The following NCOA7 variants were observed in gnomAD, a reference collection of about 807,000 sequenced individuals.
The protein encoded by NCOA7 is 140 kDa estrogen receptor-associated protein.
In NCOA7, 45 loss-of-function variants were observed where a neutral mutation model predicts 104.3. The ratio of observed to expected loss-of-function variants is 0.43; its 90% CI spans 0.34 to 0.55. NCOA7 has a LOEUF of 0.55. NCOA7 is among the 20% of genes least tolerant of loss of function. The probability of loss-of-function intolerance (pLI) is 0.02; values close to 1 mark genes in which losing one functional copy is unlikely to be tolerated. For missense variants in NCOA7, 1,041 were observed against 1,119.7 expected (o/e 0.93, Z 1.00); for synonymous variants, 398 against 402.3 (o/e 0.99, Z 0.13).
At chr6:125,819,961 T>C (rs1283386517) in intron 2 of NCOA7, among the ~76,000 whole-genome samples, 1 of 152,146 alleles carries the variant, frequency 6.6e-6, no homozygotes, top group Non-Finnish European at 1.5e-5. Flanking sequence ...TGTGGGAGGT[T>C]TACTTTTCCC....
chr6:125,842,676 T>A (rs752039129), intron 2 of NCOA7, among the ~76,000 whole-genome samples: 19 of 152,194 alleles, frequency 1.2e-4, no homozygotes, highest in African/African-American at 4.6e-4. Flanking sequence ...AATGCAGATC[T>A]AAGTAATTAG....
At chr6:125,845,759 CTG>C (rs1353281717) in intron 2 of NCOA7, among the ~76,000 whole-genome samples, 2 of 152,160 alleles carry the variant, frequency 1.3e-5, no homozygotes, top group Non-Finnish European at 2.9e-5. Context: ...GAGCAAGACT[CTG>C]TCTCAAAAAA....
chr6:125,835,226 C>G (rs1779513853), intron 2 of NCOA7, among the ~76,000 whole-genome samples: 1 of 152,160 alleles, frequency 6.6e-6, no homozygotes, highest in Non-Finnish European at 1.5e-5. Context: ...GTGATAAAGA[C>G]TGCTAAGTTT....
intron 2 of NCOA7, among the ~76,000 whole-genome samples, chr6:125,839,244 A>C (rs1779898365): frequency 1.3e-5 from 2 of 152,066 alleles, no homozygotes; most frequent in African/African-American, 4.8e-5. Flanking sequence ...CAGCCTCCCA[A>C]GTAGCTGGGA....
At chr6:125,786,639 C>T (rs149566882), upstream of NCOA7, among the ~76,000 whole-genome samples, 835 of 147,362 alleles carry the variant, frequency 5.7e-3, 4 homozygotes, top group African/African-American at 0.019. Context: ...TGCATAAGCG[C>T]GATCTGAGCG....
At chr6:125,879,466 GT>G (rs1360425428) in intron 5 of NCOA7, among the ~76,000 whole-genome samples, 3 of 152,144 alleles carry the variant, frequency 2.0e-5, no homozygotes, top group Non-Finnish European at 4.4e-5. Flanking sequence ...GTGGTTACCA[GT>G]TTTGGTGCAT....
chr6:125,825,130 G>A (rs1778554235), intron 2 of NCOA7, among the ~76,000 whole-genome samples: 2 of 145,660 alleles, frequency 1.4e-5, no homozygotes, highest in Admixed American at 6.9e-5. Context: ...TAGATACCAG[G>A]AGTTTGAGAT....
chr6:125,833,018 A>G (rs1322754), intron 2 of NCOA7, among the ~76,000 whole-genome samples: 10,982 of 152,270 alleles, frequency 0.072, 462 homozygotes, highest in Non-Finnish European at 0.096. Flanking sequence ...CTTGCATATT[A>G]TGTAAGTTAT....
intron 6 of NCOA7, among the ~76,000 whole-genome samples, chr6:125,882,134 G>A (rs577358957): frequency 6.6e-6 from 1 of 152,178 alleles, no homozygotes; most frequent in African/African-American, 2.4e-5. Context: ...GATTACAGGC[G>A]TGAGCCACCA....
chr6:125,924,179 A>G (rs970501034), intron 13 of NCOA7, among the ~76,000 whole-genome samples: 9 of 152,248 alleles, frequency 5.9e-5, no homozygotes, highest in African/African-American at 2.2e-4. Context: ...ATCTTAGAGC[A>G]CACATACAGA....
At chr6:125,848,311 A>G (rs1206987444) in intron 2 of NCOA7, among the ~76,000 whole-genome samples, 1 of 152,216 alleles carries the variant, frequency 6.6e-6, no homozygotes, top group Non-Finnish European at 1.5e-5. Context: ...TATATACCCC[A>G]AGGACTATAA....
chr6:125,915,624 C>T lies in NCOA7; in HGVS notation c.2244+144C>T, dbSNP rs529296977. The T allele has an allele frequency of 7.1e-5, 70 of 989,968 alleles. No individual in the cohort carries two copies. In the African/African-American group the frequency reaches 9.8e-4, roughly 14 times the overall value. The allele number at this position is 989,968 out of a possible 1,614,324, so 61.3% of individuals were successfully genotyped here. The stretch of plus-strand genomic sequence containing the variant: ...ACAGAGGAAAATAACTTTATTCCTC[C>T]GTTTGAAAAAAAACACCACCACCAG... On this transcript the variant is annotated intron_variant, in intron 11 of 15. Coordinates refer to ENST00000392477, the MANE Select transcript of NCOA7 (RefSeq NM_181782.5).
chr6:125,784,462 T>C (rs903890503), intron 1 of NCOA7, among the ~76,000 whole-genome samples: 6 of 152,258 alleles, frequency 3.9e-5, no homozygotes, highest in African/African-American at 1.4e-4. Context: ...ATAGCCACTC[T>C]AGAAAATAGT....
In NCOA7 at chr6:125,855,210, C is replaced by T. The variant is rs779767564; in HGVS notation, c.241C>T (p.Arg81Cys). The change falls in exon 3 of 16, where the codon CGT (arginine) becomes TGT (cysteine). Residue 81 changes from arginine to cysteine, a missense_variant. By Grantham distance (180) the Arg-to-Cys change is radical. Transcript: ENST00000392477. Reference protein sequence around the residue: ...RKSNQLKEIRRTELKRYYSID... With the variant: ...RKSNQLKEIRCTELKRYYSID... ...AAGTAATCAGTTAAAGGAGATCAGG[C>T]GTACAGAACTAAAGAGATATTATAG... The T allele has an allele frequency of 1.1e-5, 17 of 1,611,280 alleles. No homozygotes were observed. Among genetic ancestry groups the T allele is most frequent in the South Asian group, 2.2e-5 (2 of 91,036 alleles).
At chr6:125,884,010 C>T (rs570872502) in intron 7 of NCOA7, among the ~76,000 whole-genome samples, 21 of 152,310 alleles carry the variant, frequency 1.4e-4, no homozygotes, top group African/African-American at 1.9e-4. Context: ...AGAACCACCA[C>T]ACCCGGCCCA....
In NCOA7 at chr6:125,928,950, G is replaced by A. The variant is rs1788288481; in HGVS notation, c.*179G>A. On this transcript the variant is annotated 3_prime_UTR_variant, in exon 16 of 16. Transcript: ENST00000392477. ...AGATTCTGGAAGGTCCATGTAGAGG[G>A]CAGACATTGAAGAAAGAAACTTAAA... The A allele has an allele frequency of 1.8e-6, 1 of 565,806 alleles. No homozygotes were observed. Among genetic ancestry groups the A allele is most frequent in the Non-Finnish European group, 2.8e-6 (1 of 354,814 alleles). 35.0% of individuals were successfully genotyped at this position (565,806 alleles called of 1,614,324 possible). A position where few individuals can be genotyped will look rare whatever the true frequency, so the allele number is the denominator to read the frequency against.
chr6:125,787,397 C>A (rs1774523663), upstream of NCOA7, among the ~76,000 whole-genome samples: 2 of 152,188 alleles, frequency 1.3e-5, no homozygotes, highest in Non-Finnish European at 2.9e-5. Context: ...GCCCGCCTAC[C>A]TTAGCCCTCT....
At chr6:125,810,700 T>G (rs1177400663) in intron 1 of NCOA7, among the ~76,000 whole-genome samples, 1 of 152,222 alleles carries the variant, frequency 6.6e-6, no homozygotes, top group Non-Finnish European at 1.5e-5. Context: ...TGGTGTTCTG[T>G]GCAAATCATT....
At chr6:125,828,705 A>G (rs1778878745) in intron 2 of NCOA7, among the ~76,000 whole-genome samples, 1 of 152,172 alleles carries the variant, frequency 6.6e-6, no homozygotes, top group African/African-American at 2.4e-5. Flanking sequence ...GAGAGGAGCC[A>G]TACTGGGATA....
Sources: allele counts gnomAD v4.1 joint callset (sites outside exome capture counted in the v4.1 genomes callset), GRCh38; gene constraint gnomAD v4.1.1; transcripts MANE v1.5; gene names NCBI Gene and HGNC (gene_info 2026-07-23, HGNC 2026-07-21).